The following EEFSEC variants were observed in gnomAD, a reference collection of about 807,000 sequenced individuals.
The protein encoded by EEFSEC is selenocysteine-specific elongation factor.
In EEFSEC, 43 loss-of-function variants were observed where a neutral mutation model predicts 42.1. The ratio of observed to expected loss-of-function variants is 1.02; its 90% CI spans 0.80 to 1.32. EEFSEC has a LOEUF of 1.32. EEFSEC is among the 40% of genes most tolerant of loss of function. EEFSEC has a pLI of 0.00. For synonymous variants in EEFSEC, 354 were observed against 339.1 expected, an observed-to-expected ratio of 1.04 and a Z score of -0.48; for missense variants, 745 against 803.6, an observed-to-expected ratio of 0.93 and a Z score of 0.88.
intron 1 of EEFSEC, among the ~76,000 whole-genome samples, chr3:128,184,799 AG>A (rs2065448265): frequency 6.6e-6 from 1 of 152,314 alleles, no homozygotes; most frequent in African/African-American, 2.4e-5. Context: ...GACATTTCCA[AG>A]GGACAGTTTA....
At chr3:128,203,955 G>A (rs567621850) in intron 1 of EEFSEC, among the ~76,000 whole-genome samples, 2 of 152,370 alleles carry the variant, frequency 1.3e-5, no homozygotes, top group African/African-American at 4.8e-5. Flanking sequence ...ATTTATAGGA[G>A]TATTGTATTA....
At chr3:128,169,616 C>T (rs189863037) in intron 1 of EEFSEC, among the ~76,000 whole-genome samples, 2 of 152,248 alleles carry the variant, frequency 1.3e-5, no homozygotes, top group Admixed American at 6.5e-5. Context: ...GTGGAATCAG[C>T]GTTGGCAGGC....
At chr3:128,333,407 G>A (rs1411422737) in intron 4 of EEFSEC, among the ~76,000 whole-genome samples, 3 of 152,228 alleles carry the variant, frequency 2.0e-5, no homozygotes, top group African/African-American at 7.2e-5. Context: ...GTGCTGAATT[G>A]TGTTTCATCT....
intron 5 of EEFSEC, among the ~76,000 whole-genome samples, chr3:128,346,769 G>C (rs1221326605): frequency 6.6e-6 from 1 of 152,152 alleles, no homozygotes; most frequent in Non-Finnish European, 1.5e-5. Flanking sequence ...TGACACAAAG[G>C]CAGCCATAGA....
At chr3:128,286,858 TATCTGCATTTAC>T (rs1339712887) in intron 4 of EEFSEC, among the ~76,000 whole-genome samples, 2 of 152,250 alleles carry the variant, frequency 1.3e-5, no homozygotes, top group African/African-American at 4.8e-5. Flanking sequence ...GGCATCTACC[TATCTGCATTTAC>T]ATCAAGCTGA....
chr3:128,221,606 A>G (rs920628044), intron 1 of EEFSEC, among the ~76,000 whole-genome samples: 7 of 152,184 alleles, frequency 4.6e-5, no homozygotes, highest in African/African-American at 1.4e-4. Context: ...TGATCTCCCT[A>G]TGGGGGTGCC....
chr3:128,381,332 C>A (rs553923230), intron 6 of EEFSEC, among the ~76,000 whole-genome samples: 22 of 152,278 alleles, frequency 1.4e-4, no homozygotes, highest in Middle Eastern at 3.4e-3. Context: ...GTATATTTGG[C>A]CCTCTCCCTG....
chr3:128,279,069 A>G (rs2811381), intron 4 of EEFSEC, among the ~76,000 whole-genome samples: 130,779 of 152,192 alleles, frequency 0.86, 56,401 homozygotes, highest in East Asian at 0.99. Context: ...GGGGAGGAGA[A>G]TGGTGGGGCA....
chr3:128,254,147 G>A (rs570230737), intron 2 of EEFSEC, among the ~76,000 whole-genome samples: 2 of 152,238 alleles, frequency 1.3e-5, no homozygotes, highest in East Asian at 3.9e-4. Context: ...GCTTTGTGTC[G>A]GAGTTAAAGG....
chr3:128,234,284 C>T lies in EEFSEC; in HGVS notation c.317-12552C>T, dbSNP rs568576000. ...GCCAGGCTGGTGTTGAACTCCTGAC[C>T]TCAAGTGACCCTCCCACCTCGGCCT... On this transcript the variant is annotated intron_variant, in intron 1 of 6. Coordinates refer to ENST00000254730, the MANE Select transcript of EEFSEC (RefSeq NM_021937.5). Among the ~76,000 whole-genome samples the T allele has an allele frequency of 2.6e-5, 4 of 152,270 alleles. No individual in the cohort carries two copies. The South Asian group carries it at 6.2e-4, about 24-fold the overall frequency.
At chr3:128,353,945 C>T (rs779149034) in intron 5 of EEFSEC, among the ~76,000 whole-genome samples, 3 of 152,242 alleles carry the variant, frequency 2.0e-5, no homozygotes, top group Middle Eastern at 3.4e-3. Context: ...GAGCAGAGTG[C>T]GAAGGATTGG....
intron 4 of EEFSEC, among the ~76,000 whole-genome samples, chr3:128,327,128 C>T (rs536040720): frequency 2.1e-4 from 32 of 152,328 alleles, no homozygotes; most frequent in Admixed American, 1.8e-3. Context: ...TGTCACACAT[C>T]GCCATGTCCC....
At chr3:128,392,367 G>C (rs2067924765) in intron 6 of EEFSEC, among the ~76,000 whole-genome samples, 1 of 152,230 alleles carries the variant, frequency 6.6e-6, no homozygotes, top group Admixed American at 6.5e-5. Context: ...CGGGGAGCAG[G>C]GTTCCACATG....
chr3:128,198,580 C>A (rs1275794227), intron 1 of EEFSEC, among the ~76,000 whole-genome samples: 2 of 152,178 alleles, frequency 1.3e-5, no homozygotes, highest in East Asian at 3.9e-4. Flanking sequence ...GTGACAGGGC[C>A]ATGAGCTTGG....
intron 4 of EEFSEC, among the ~76,000 whole-genome samples, chr3:128,318,006 T>C (rs1022042023): frequency 1.3e-5 from 2 of 152,092 alleles, no homozygotes; most frequent in African/African-American, 4.8e-5. Context: ...AGAGGCAGGA[T>C]GGAGTTGTGC....
intron 1 of EEFSEC, 127 bp downstream of exon 1, chr3:128,153,950 C>A (rs572631053): frequency 3.0e-6 from 4 of 1,336,294 alleles, no homozygotes; most frequent in East Asian, 3.0e-5. Context: ...GGGCTCCTGA[C>A]GCCCCAAGAG....
chr3:128,343,551 G>A (rs1047460781), intron 5 of EEFSEC, among the ~76,000 whole-genome samples: 13 of 152,184 alleles, frequency 8.5e-5, no homozygotes, highest in Non-Finnish European at 1.0e-4. Flanking sequence ...TGTGTCACTC[G>A]TTTGTCTAGC....
chr3:128,349,230 CA>C (rs968070740), intron 5 of EEFSEC, among the ~76,000 whole-genome samples: 7 of 151,804 alleles, frequency 4.6e-5, no homozygotes, highest in African/African-American at 1.7e-4. Flanking sequence ...CTTCACCCTG[CA>C]GGGGGGAGTA....
chr3:128,230,701 G>T (rs185978871), intron 1 of EEFSEC, among the ~76,000 whole-genome samples: 2 of 152,168 alleles, frequency 1.3e-5, no homozygotes, highest in Non-Finnish European at 2.9e-5. Flanking sequence ...GAGAGACTGA[G>T]GCTCAAATAG....
Sources: allele counts gnomAD v4.1 joint callset (sites outside exome capture counted in the v4.1 genomes callset), GRCh38; gene constraint gnomAD v4.1.1; transcripts MANE v1.5; gene names NCBI Gene and HGNC (gene_info 2026-07-23, HGNC 2026-07-21).